The following SULT1C4 variants were observed in gnomAD, a reference collection of about 807,000 sequenced individuals.
The protein encoded by SULT1C4 is sulfotransferase family 1C member 4, also known as sulfotransferase 1C4.
In SULT1C4, 32 loss-of-function variants were observed where a neutral mutation model predicts 34.8. The observed-to-expected ratio is 0.92, with a 90% CI of 0.69 to 1.23. SULT1C4 has a LOEUF of 1.23. SULT1C4 is among the 50% of genes most tolerant of loss of function. The pLI is 0.00. For missense variants in SULT1C4, 375 were observed against 365.9 expected, an observed-to-expected ratio of 1.02 and a Z score of -0.20; for synonymous variants, 111 against 120.5, an observed-to-expected ratio of 0.92 and a Z score of 0.51.
At position 108,378,319 on chromosome 2, in the gene SULT1C4, C is replaced by A. The variant is rs1678297150; in HGVS notation, c.-19C>A. ...AAGATAACTTTGTGTCTGGAAGAGC[C>A]CTCTGATTTCTTACACTAATGGCCT... On this transcript the variant is annotated 5_prime_UTR_variant, in exon 1 of 7. Coordinates refer to ENST00000272452, the MANE Select transcript of SULT1C4 (RefSeq NM_006588.4). 2 of 1,608,410 alleles carry A rather than the reference C, an allele frequency of 1.2e-6. No homozygotes were observed. Among genetic ancestry groups the A allele is most frequent in the Non-Finnish European group, 8.5e-7 (1 of 1,177,044 alleles).
intron 2 of SULT1C4, 44 bp from the exon 3 acceptor site, chr2:108,382,341 A>AT: frequency 3.4e-6 from 5 of 1,488,784 alleles, no homozygotes; most frequent in African/African-American, 1.4e-5. Flanking sequence ...AAGCAAATAG[A>AT]TAAAAAAAAA....
In SULT1C4 at chr2:108,378,449, A is replaced by G; in HGVS notation, c.112A>G (p.Ile38Val). 1 of 1,614,194 alleles carries G rather than the reference A, an allele frequency of 6.2e-7. No individual in the cohort carries two copies. Among genetic ancestry groups the G allele is most frequent in the Non-Finnish European group, 8.5e-7 (1 of 1,180,026 alleles). The change falls in exon 1 of 7, where the codon ATC becomes GTC. Residue 38 changes from isoleucine (I) to valine (V), a missense_variant. Physicochemically the swap from Ile to Val is conservative, Grantham distance 29 (BLOSUM62 3). Coordinates refer to ENST00000272452, the MANE Select transcript of SULT1C4 (RefSeq NM_006588.4). ...PTDTCDIWDKIWNFQAKPDDL... is the reference protein window; with the variant it reads ...PTDTCDIWDKVWNFQAKPDDL... ...AGACACCTGTGACATCTGGGATAAGATCTGGAACTTCCAAGCCAAGCCTGA... is the reference window on the plus strand; with the variant it reads ...AGACACCTGTGACATCTGGGATAAGGTCTGGAACTTCCAAGCCAAGCCTGA...
chr2:108,387,571 A>G lies in SULT1C4; in HGVS notation c.*139A>G, dbSNP rs1678600869. On this transcript the variant is annotated 3_prime_UTR_variant, in exon 7 of 7. Transcript: ENST00000272452. ...TGTGTTTGCTCTTATTCACTCTACTAAAAAATTATTTTAAAAGGCTGGAGG... is the reference window on the plus strand; with the variant it reads ...TGTGTTTGCTCTTATTCACTCTACTGAAAAATTATTTTAAAAGGCTGGAGG... 1 of 650,228 alleles carries G rather than the reference A, an allele frequency of 1.5e-6. No individual in the cohort carries two copies. The allele number at this position is 650,228 out of a possible 1,614,324, so 40.3% of individuals were successfully genotyped here. A position where few individuals can be genotyped will look rare whatever the true frequency, so the allele number is the denominator to read the frequency against.
rs143384155 is a variant in SULT1C4 at position 108,388,784 on chromosome 2, C to T, written c.*1352C>T. 1.5e-3 allele frequency among the ~76,000 whole-genome samples: 221 copies of T among 152,174 alleles called. No individual in the cohort carries two copies. Among genetic ancestry groups the T allele is most frequent in the African/African-American group, 5.3e-3 (218 of 41,486 alleles). On this transcript the variant is annotated 3_prime_UTR_variant, in exon 7 of 7. Coordinates refer to ENST00000272452, the MANE Select transcript of SULT1C4 (RefSeq NM_006588.4). Reference sequence around the variant, plus strand: ...CTAGTCACATCTTACCACTTCCTACCCTCCCAGTTTTATTTATACCAAGCC... The same window carrying T: ...CTAGTCACATCTTACCACTTCCTACTCTCCCAGTTTTATTTATACCAAGCC...
intron 5 of SULT1C4, among the ~76,000 whole-genome samples, chr2:108,385,692 T>C (rs1211223898): frequency 6.6e-6 from 1 of 152,076 alleles, no homozygotes; most frequent in Non-Finnish European, 1.5e-5. Context: ...CTTGACTTGG[T>C]GGTCTGGTAC....
intron 1 of SULT1C4, among the ~76,000 whole-genome samples, chr2:108,380,548 A>G (rs1450320574): frequency 6.6e-6 from 1 of 152,186 alleles, no homozygotes; most frequent in Non-Finnish European, 1.5e-5. Flanking sequence ...CCATCCTAAA[A>G]TAACTCAACA....
Position 108,382,416 on chromosome 2 carries a change from A to G in SULT1C4, c.327A>G (p.Pro109=), listed in dbSNP as rs1323621869. ...AACAAGCTCATGCAATGCCCTCACC[A>G]CGGATCCTGAAAACACATCTTCCCT... The part of the protein sequence containing the change: ...GLEQAHAMPS[P]RILKTHLPFH... Residue 109 remains proline (P), a synonymous_variant, in exon 3 of 7, where the codon CCA becomes CCG. Coordinates refer to ENST00000272452, the MANE Select transcript of SULT1C4 (RefSeq NM_006588.4). 6.2e-7 allele frequency: 1 copy of G among 1,614,088 alleles called. No individual in the cohort carries two copies. Among genetic ancestry groups the G allele is most frequent in the Non-Finnish European group, 8.5e-7 (1 of 1,180,002 alleles).
At chr2:108,382,774 A>G (rs917040639) in intron 3 of SULT1C4, 1 of 388,232 alleles carries the variant, frequency 2.6e-6, no homozygotes, top group African/African-American at 2.1e-5. Context: ...GTGGTGACAC[A>G]TGCCTGTAAT....
At position 108,387,744 on chromosome 2, in the gene SULT1C4, C is replaced by T; in HGVS notation, c.*312C>T. 4.2e-6 allele frequency: 1 copy of T among 235,668 alleles called. No individual in the cohort carries two copies. Among genetic ancestry groups the T allele is most frequent in the Non-Finnish European group, 8.1e-6 (1 of 123,048 alleles). 14.6% of individuals were successfully genotyped at this position (235,668 alleles called of 1,614,324 possible). A position where few individuals can be genotyped will look rare whatever the true frequency, so the allele number is the denominator to read the frequency against. On this transcript the variant is annotated 3_prime_UTR_variant, in exon 7 of 7. Transcript: ENST00000272452. ...ATTAACATATTGGAAATGCTTCAGT[C>T]CTCACATGATAATACACTAACATTT... is the stretch of plus-strand genomic sequence containing the variant.
intron 1 of SULT1C4, among the ~76,000 whole-genome samples, chr2:108,381,357 C>G (rs1678385669): frequency 6.6e-6 from 1 of 152,020 alleles, no homozygotes; most frequent in African/African-American, 2.4e-5. Flanking sequence ...CATAGATGGT[C>G]CAGGCATGGT....
At chr2:108,386,749 T>C (rs1186230040) in intron 6 of SULT1C4, among the ~76,000 whole-genome samples, 1 of 152,236 alleles carries the variant, frequency 6.6e-6, no homozygotes, top group Admixed American at 6.5e-5. Context: ...CCAGGCACTG[T>C]TCTAGCCACT....
intron 4 of SULT1C4, 67 bp downstream of exon 4, chr2:108,383,286 C>T: frequency 1.3e-6 from 2 of 1,591,300 alleles, no homozygotes; most frequent in Admixed American, 1.9e-5. Context: ...AGGAAAGAAT[C>T]TTTTCTTTTG....
At chr2:108,382,516 C>A in intron 3 of SULT1C4, 34 bp downstream of exon 3, 1 of 1,521,214 alleles carries the variant, frequency 6.6e-7, no homozygotes, top group Non-Finnish European at 9.1e-7. Context: ...AGTTGTACTC[C>A]TTAAAACAAC....
chr2:108,380,073 C>A (rs773140967), intron 1 of SULT1C4, among the ~76,000 whole-genome samples: 5 of 152,218 alleles, frequency 3.3e-5, no homozygotes, highest in Non-Finnish European at 5.9e-5. Flanking sequence ...AGACCAACTA[C>A]TATAAAATAT....
chr2:108,379,893 T>C (rs1247280961), intron 1 of SULT1C4, among the ~76,000 whole-genome samples: 1 of 152,232 alleles, frequency 6.6e-6, no homozygotes, highest in Non-Finnish European at 1.5e-5. Context: ...TCTGCCCTCA[T>C]GTTGGCTCAT....
intron 5 of SULT1C4, among the ~76,000 whole-genome samples, chr2:108,383,935 C>T (rs1678499824): frequency 6.6e-6 from 1 of 151,224 alleles, no homozygotes; most frequent in Non-Finnish European, 1.5e-5. Flanking sequence ...ATGGTGCGAT[C>T]TCAAGTCACT....
rs141659142 is a variant in SULT1C4, at chr2:108,387,352, G to A, written c.829G>A (p.Val277Met). 651 of 1,613,672 alleles carry A rather than the reference G, an allele frequency of 4.0e-4. 2 individuals are homozygous for A. The highest frequency in any genetic ancestry group is 5.2e-4 in the Non-Finnish European group (618 of 1,179,896). Residue 277 changes from valine to methionine, a missense_variant, in exon 7 of 7, where the codon GTG becomes ATG. Val to Met is a conservative substitution (Grantham distance 21). Coordinates refer to ENST00000272452, the MANE Select transcript of SULT1C4 (RefSeq NM_006588.4). Reference protein sequence around the residue: ...AVGDWKKHFTVAQNERFDEDY... With the variant: ...AVGDWKKHFTMAQNERFDEDY... ...GGGAGACTGGAAGAAACACTTCACC[G>A]TGGCTCAGAATGAGAGATTTGATGA...
chr2:108,387,374 A>G lies in SULT1C4; in HGVS notation c.851A>G (p.Asp284Gly). 2 of 1,613,914 alleles carry G rather than the reference A, an allele frequency of 1.2e-6. No individual in the cohort carries two copies. Among genetic ancestry groups the G allele is most frequent in the South Asian group, 2.2e-5 (2 of 91,006 alleles). ...HFTVAQNERFDEDYKKKMTDT... is the reference protein window; with the variant it reads ...HFTVAQNERFGEDYKKKMTDT... The stretch of plus-strand genomic sequence containing the variant: ...ACCGTGGCTCAGAATGAGAGATTTG[A>G]TGAAGATTACAAGAAGAAAATGACT... The change falls in exon 7 of 7, where the codon GAT (aspartate) becomes GGT (glycine). Residue 284 changes from aspartate to glycine, a missense_variant. Transcript: ENST00000272452.
At position 108,387,482 on chromosome 2, in the gene SULT1C4, G is replaced by C. The variant is rs773879672; in HGVS notation, c.*50G>C. 7.3e-6 allele frequency: 9 copies of C among 1,229,638 alleles called. No individual in the cohort carries two copies. Among genetic ancestry groups the C allele is most frequent in the Non-Finnish European group, 9.3e-6 (8 of 856,856 alleles). The allele number at this position is 1,229,638 out of a possible 1,614,324, so 76.2% of individuals were successfully genotyped here. ...TTAGTTTATTACCCAGTATATTTGGGTAATAATGAAAGTTTAATTCTCATA... is the reference window on the plus strand; with the variant it reads ...TTAGTTTATTACCCAGTATATTTGGCTAATAATGAAAGTTTAATTCTCATA... On this transcript the variant is annotated 3_prime_UTR_variant, in exon 7 of 7. Coordinates refer to ENST00000272452, the MANE Select transcript of SULT1C4 (RefSeq NM_006588.4).
Sources: gnomAD v4.1 joint callset for allele counts (sites outside exome capture counted in the v4.1 genomes callset) on GRCh38, gnomAD v4.1.1 for gene constraint, MANE v1.5 for transcripts, NCBI Gene and HGNC (gene_info 2026-07-23, HGNC 2026-07-21) for gene names.